The following GRB10 variants were observed in gnomAD, a reference collection of about 807,000 sequenced individuals.
GRB10 encodes growth factor receptor bound protein 10, also known as growth factor receptor-bound protein 10.
GRB10 carries 20 observed loss-of-function variants against 80.9 expected under a neutral mutation model. The observed-to-expected ratio is 0.25, with a 90% confidence interval of 0.17 to 0.36. The LOEUF (loss-of-function observed/expected upper bound fraction) is 0.36, where lower values mean the gene tolerates loss of function less well. Ranked by LOEUF, GRB10 falls within the 10% of genes least tolerant of loss-of-function variation. GRB10 has a pLI of 1.00. For synonymous variants in GRB10, 291 were observed against 291.5 expected, an observed-to-expected ratio of 1.00 and a Z score of 0.02; for missense variants, 548 against 747.7, an observed-to-expected ratio of 0.73 and a Z score of 3.12.
chr7:50,717,020 G>A (rs2066977316), intron 4 of GRB10, among the ~76,000 whole-genome samples: 1 of 152,168 alleles, frequency 6.6e-6, no homozygotes, highest in Non-Finnish European at 1.5e-5. Flanking sequence ...GGCCGGGCTG[G>A]ATAAGTCAAC....
At chr7:50,601,988 C>T (rs558728003) in intron 17 of GRB10, among the ~76,000 whole-genome samples, 3 of 152,232 alleles carry the variant, frequency 2.0e-5, no homozygotes, top group East Asian at 3.9e-4. Context: ...AAGTGAGCGT[C>T]GAGAAGAGGT....
chr7:50,695,951 C>A (rs898364351), intron 5 of GRB10, among the ~76,000 whole-genome samples: 7 of 152,104 alleles, frequency 4.6e-5, no homozygotes, highest in African/African-American at 2.4e-5. Context: ...TCTCTTTCTA[C>A]AAAATTGGGA....
At chr7:50,689,178 AT>A (rs1387179345) in intron 5 of GRB10, among the ~76,000 whole-genome samples, 2 of 152,140 alleles carry the variant, frequency 1.3e-5, no homozygotes, top group African/African-American at 2.4e-5. Context: ...AATCTAGCTG[AT>A]CCCCCCCATC....
At chr7:50,655,156 C>T (rs564364633) in intron 7 of GRB10, among the ~76,000 whole-genome samples, 7 of 152,232 alleles carry the variant, frequency 4.6e-5, no homozygotes, top group East Asian at 1.9e-4. Flanking sequence ...GTTCAGCTGA[C>T]GTCCCTTTGA....
intron 3 of GRB10, among the ~76,000 whole-genome samples, chr7:50,750,503 G>A (rs1587837867): frequency 6.6e-6 from 1 of 152,306 alleles, no homozygotes; most frequent in Non-Finnish European, 1.5e-5. Context: ...CTGTTCAATA[G>A]AAGCTCCAAT....
At chr7:50,634,324 T>C (rs2529385) in intron 7 of GRB10, among the ~76,000 whole-genome samples, 80,165 of 151,970 alleles carry the variant, frequency 0.53, 21,278 homozygotes, top group Admixed American at 0.54. Flanking sequence ...ATAAAGCCTT[T>C]CCCAGATAAG....
At chr7:50,790,507 G>A (rs1281791269) in intron 1 of GRB10, among the ~76,000 whole-genome samples, 1 of 152,226 alleles carries the variant, frequency 6.6e-6, no homozygotes, top group African/African-American at 2.4e-5. Context: ...ATGCCACGTT[G>A]GTTTAATAAA....
chr7:50,741,646 T>C (rs2071770814), intron 3 of GRB10, among the ~76,000 whole-genome samples: 1 of 145,822 alleles, frequency 6.9e-6, no homozygotes, highest in Non-Finnish European at 1.5e-5. Flanking sequence ...AAAGATACAA[T>C]ACAGTCCTAG....
At chr7:50,744,912 G>T (rs574249299) in intron 3 of GRB10, among the ~76,000 whole-genome samples, 1 of 152,218 alleles carries the variant, frequency 6.6e-6, no homozygotes, top group East Asian at 1.9e-4. Flanking sequence ...ACCTTCATGG[G>T]TTTTTTTACA....
chr7:50,647,548 T>C (rs563493529), intron 7 of GRB10, among the ~76,000 whole-genome samples: 1 of 152,366 alleles, frequency 6.6e-6, no homozygotes, highest in South Asian at 2.1e-4. Context: ...CTTGACTTTA[T>C]GGAACTTCAT....
At chr7:50,603,938 A>C in intron 17 of GRB10, 60 bp downstream of exon 17, 13 of 1,294,582 alleles carry the variant, frequency 1.0e-5, no homozygotes, top group Non-Finnish European at 1.4e-5. Flanking sequence ...TAAACAGAAC[A>C]GATCCCCAGC....
intron 13 of GRB10, among the ~76,000 whole-genome samples, chr7:50,609,240 T>C (rs944323513): frequency 1.3e-5 from 2 of 152,174 alleles, no homozygotes; most frequent in African/African-American, 4.8e-5. Context: ...AATAGTTACA[T>C]TGTGATTATA....
rs571134297 is a variant in GRB10 at position 50,593,920 on chromosome 7, T to C, written c.1639-822A>G. Among the ~76,000 whole-genome samples the C allele has an allele frequency of 7.2e-5, 11 of 152,128 alleles. 1 individual carries two copies. The highest frequency in any genetic ancestry group is 2.7e-4 in the African/African-American group (11 of 41,494). On this transcript the variant is annotated intron_variant, in intron 18 of 18. Transcript: ENST00000401949. ...TGCCCTAAGTCCCAAGTTGCTGTTC[T>C]TTTGTTACTTGTAGGATTTGGGCAT...
chr7:50,707,672 C>T (rs1358216902), intron 4 of GRB10, among the ~76,000 whole-genome samples: 1 of 152,118 alleles, frequency 6.6e-6, no homozygotes, highest in Non-Finnish European at 1.5e-5. Context: ...GGGTTGATCC[C>T]ACAAGCACTG....
intron 7 of GRB10, among the ~76,000 whole-genome samples, chr7:50,659,223 T>C (rs975740265): frequency 7.9e-5 from 12 of 152,206 alleles, no homozygotes; most frequent in African/African-American, 2.7e-4. Context: ...AAGAAAACGA[T>C]AGACGATGCC....
rs546907902 is a variant in GRB10 at position 50,676,901 on chromosome 7, G to A, written c.140-2243C>T. 3.9e-5 allele frequency among the ~76,000 whole-genome samples: 6 copies of A among 152,306 alleles called. No individual in the cohort carries two copies. The East Asian group carries it at 7.7e-4, about 20-fold the overall frequency. ...CAGATAGAAGGGAGGGGTGAGGACA[G>A]AAGGGAGGCTGCTGAAATGGCAGCG... On this transcript the variant is annotated intron_variant, in intron 5 of 18. Transcript: ENST00000401949.
chr7:50,611,375 C>CTGA (rs769291146), intron 13 of GRB10, among the ~76,000 whole-genome samples: 81 of 152,250 alleles, frequency 5.3e-4, no homozygotes, highest in Non-Finnish European at 9.1e-4. Context: ...CCAGTTCCCA[C>CTGA]TGATGACCCT....
intron 2 of GRB10, among the ~76,000 whole-genome samples, chr7:50,760,574 C>A (rs1011789387): frequency 6.6e-6 from 1 of 151,848 alleles, no homozygotes; most frequent in Admixed American, 6.6e-5. Flanking sequence ...GTAAGATGGT[C>A]AATCATAGAG....
intron 16 of GRB10, 110 bp downstream of exon 16, chr7:50,604,201 G>A: frequency 1.6e-6 from 2 of 1,285,750 alleles, no homozygotes; most frequent in Non-Finnish European, 2.3e-6. Context: ...GCTACAGCTT[G>A]TGTGGTGCAC....
Sources: allele counts gnomAD v4.1 joint callset (sites outside exome capture counted in the v4.1 genomes callset), GRCh38; gene constraint gnomAD v4.1.1; transcripts MANE v1.5; gene names NCBI Gene and HGNC (gene_info 2026-07-23, HGNC 2026-07-21).